RFX7: variants seen among roughly 807,000 people sequenced by gnomAD.
RFX7 encodes regulatory factor X7, also known as DNA-binding protein RFX7.
A neutral mutation model predicts 111.8 loss-of-function variants in RFX7; 26 were observed. The observed-to-expected ratio is 0.23, with a 90% CI of 0.17 to 0.32. The LOEUF (loss-of-function observed/expected upper bound fraction) is 0.32, where lower values mean the gene tolerates loss of function less well. RFX7 is among the 10% of genes least tolerant of loss of function. The pLI, the probability that RFX7 is intolerant of heterozygous loss-of-function variation, is 1.00. For missense variants in RFX7, 1,573 were observed against 1,772.9 expected (o/e 0.89, Z 2.02); for synonymous variants, 624 against 624.4 (o/e 1.00, Z 0.01).
chr15:56,170,369 G>T (rs961705948), intron 3 of RFX7, among the ~76,000 whole-genome samples: 1 of 152,120 alleles, frequency 6.6e-6, no homozygotes, highest in Admixed American at 6.6e-5. Context: ...AACAAAGAAG[G>T]AACAGTCTAG....
intron 3 of RFX7, among the ~76,000 whole-genome samples, chr15:56,159,648 T>A (rs1448348637): frequency 2.0e-5 from 3 of 152,198 alleles, no homozygotes; most frequent in Non-Finnish European, 2.9e-5. Context: ...AATGGGTAAC[T>A]TTTCATTTCT....
chr15:56,180,411 C>G (rs149237379), intron 2 of RFX7, among the ~76,000 whole-genome samples: 27 of 152,206 alleles, frequency 1.8e-4, no homozygotes, highest in African/African-American at 6.3e-4. Context: ...ATCCCCTTCC[C>G]ACAGTCCTAC....
At chr15:56,196,386 A>G (rs2043145948) in intron 2 of RFX7, among the ~76,000 whole-genome samples, 1 of 152,108 alleles carries the variant, frequency 6.6e-6, no homozygotes, top group Non-Finnish European at 1.5e-5. Flanking sequence ...CTATCTCCAT[A>G]AACAATACAA....
At chr15:56,206,893 G>A (rs1204573285) in intron 2 of RFX7, among the ~76,000 whole-genome samples, 3 of 151,776 alleles carry the variant, frequency 2.0e-5, no homozygotes, top group Non-Finnish European at 2.9e-5. Flanking sequence ...GTGGGGAAGT[G>A]GGGATGGTTA....
At chr15:56,233,194 A>T (rs1167129603) in intron 2 of RFX7, among the ~76,000 whole-genome samples, 1 of 152,194 alleles carries the variant, frequency 6.6e-6, no homozygotes, top group Non-Finnish European at 1.5e-5. Context: ...GTGGATGGGG[A>T]GGCCTCATAA....
intron 5 of RFX7, among the ~76,000 whole-genome samples, chr15:56,112,379 C>CAAAAA (rs71110374): frequency 2.7e-3 from 191 of 71,678 alleles, no homozygotes; most frequent in African/African-American, 4.0e-3. Context: ...GAGTACAAAT[C>CAAAAA]AAAAAAAAAA....
rs2041609818 is a variant in RFX7, at chr15:56,092,586, G to A, written c.*759C>T. ...GTATTTATTATATTAAATTACAAAT[G>A]CCTGGAGTTACATTTGCTTGTTTTG... On this transcript the variant is annotated 3_prime_UTR_variant, in exon 10 of 10. Coordinates refer to ENST00000559447, the MANE Select transcript of RFX7 (RefSeq NM_022841.7). The A allele has an allele frequency of 6.6e-6, 1 of 152,208 alleles. No individual in the cohort carries two copies. The highest frequency in any genetic ancestry group is 1.5e-5 in the Non-Finnish European group (1 of 67,962). The allele number at this position is 152,208 out of a possible 1,614,324, so 9.4% of individuals were successfully genotyped here. A position where few individuals can be genotyped will look rare whatever the true frequency, so the allele number is the denominator to read the frequency against.
At chr15:56,146,411 C>A (rs1329146401) in intron 3 of RFX7, among the ~76,000 whole-genome samples, 4 of 151,972 alleles carry the variant, frequency 2.6e-5, no homozygotes, top group African/African-American at 9.7e-5. Flanking sequence ...TTAACATCAC[C>A]CACTTAATCA....
intron 2 of RFX7, among the ~76,000 whole-genome samples, chr15:56,225,088 A>G (rs756392195): frequency 1.1e-4 from 17 of 152,196 alleles, no homozygotes; most frequent in Non-Finnish European, 2.4e-4. Flanking sequence ...TCACAATTAG[A>G]TATTACTGAA....
At chr15:56,231,424 G>A (rs562212926) in intron 2 of RFX7, among the ~76,000 whole-genome samples, 1 of 152,278 alleles carries the variant, frequency 6.6e-6, no homozygotes, top group African/African-American at 2.4e-5. Context: ...GACAAGAGAA[G>A]ATGAGAGTCA....
chr15:56,165,245 G>A (rs2042769971), intron 3 of RFX7, among the ~76,000 whole-genome samples: 2 of 152,096 alleles, frequency 1.3e-5, no homozygotes, highest in Admixed American at 1.3e-4. Context: ...AACCATACCT[G>A]GGGAACCCCT....
Position 56,094,047 on chromosome 15 carries a change from T to A in RFX7, c.3681A>T (p.Pro1227=), listed in dbSNP as rs1193308666. The change falls in exon 10 of 10, where the codon CCA becomes CCT. Residue 1227 remains proline (P), a synonymous_variant. Coordinates refer to ENST00000559447, the MANE Select transcript of RFX7 (RefSeq NM_022841.7). ...AGGCTGTCTGCATCATGACTGTCAA[T>A]GGAACTGATTGGCTTCTTTGAGCTA... ...NNIAQRSQSV[P]LTVMMQTAFP... 6.2e-7 allele frequency: 1 copy of A among 1,613,984 alleles called. No homozygotes were observed. Among genetic ancestry groups the A allele is most frequent in the Non-Finnish European group, 8.5e-7 (1 of 1,179,858 alleles).
Position 56,243,702 on chromosome 15 carries a change from G to C in RFX7, c.-260C>G, listed in dbSNP as rs1406080637. Among the ~76,000 whole-genome samples, 2 of 151,612 alleles carry C rather than the reference G, an allele frequency of 1.3e-5. No individual in the cohort carries two copies. The highest frequency in any genetic ancestry group is 4.8e-5 in the African/African-American group (2 of 41,292). On this transcript the variant is annotated 5_prime_UTR_variant, in exon 1 of 10. Coordinates refer to ENST00000559447, the MANE Select transcript of RFX7 (RefSeq NM_022841.7). ...GGTTGCTCAGGGATTTGGCGGCCAA[G>C]CCTTCCTTCCTTGTCCCCGGGGCTT...
At chr15:56,105,975 T>C (rs959244428) in intron 5 of RFX7, among the ~76,000 whole-genome samples, 2 of 152,190 alleles carry the variant, frequency 1.3e-5, no homozygotes, top group African/African-American at 2.4e-5. Flanking sequence ...GTATGAATTA[T>C]GGTGTCTAGC....
At chr15:56,157,758 T>C (rs2141073743) in intron 3 of RFX7, among the ~76,000 whole-genome samples, 1 of 152,304 alleles carries the variant, frequency 6.6e-6, no homozygotes, top group African/African-American at 2.4e-5. Context: ...TTTTGTATTT[T>C]TAGTAGAGAT....
intron 2 of RFX7, among the ~76,000 whole-genome samples, chr15:56,219,279 T>C (rs535792182): frequency 6.6e-6 from 1 of 152,374 alleles, no homozygotes; most frequent in South Asian, 2.1e-4. Context: ...AAGACTATTT[T>C]GTCTGGTATT....
chr15:56,116,762 G>A (rs1217727735), intron 5 of RFX7, among the ~76,000 whole-genome samples: 1 of 152,114 alleles, frequency 6.6e-6, no homozygotes, highest in Non-Finnish European at 1.5e-5. Context: ...AGAAATTATG[G>A]TATATATTCA....
At chr15:56,127,550 ATTTT>A (rs71441430) in intron 5 of RFX7, among the ~76,000 whole-genome samples, 1 of 141,396 alleles carries the variant, frequency 7.1e-6, no homozygotes, top group African/African-American at 2.6e-5. Flanking sequence ...TTTTGAAAAG[ATTTT>A]TTTTTTTTTT....
chr15:56,235,347 T>TA (rs1334034462), intron 2 of RFX7, among the ~76,000 whole-genome samples: 1 of 152,158 alleles, frequency 6.6e-6, no homozygotes, highest in African/African-American at 2.4e-5. Flanking sequence ...GCTAATTTTT[T>TA]ATATTTTTAG....
Sources: allele counts gnomAD v4.1 joint callset (sites outside exome capture counted in the v4.1 genomes callset), GRCh38; gene constraint gnomAD v4.1.1; transcripts MANE v1.5; gene names NCBI Gene and HGNC (gene_info 2026-07-23, HGNC 2026-07-21).